The following DNAH5 variants were observed in gnomAD, a reference collection of about 807,000 sequenced individuals.
DNAH5 encodes axonemal beta dynein heavy chain 5.
Under a neutral mutation model 518.2 loss-of-function variants are expected in DNAH5, and 372 were observed. The ratio of observed to expected loss-of-function variants is 0.72; its 90% CI spans 0.66 to 0.78. The LOEUF is 0.78. Ranked by LOEUF, DNAH5 falls within the 30% of genes least tolerant of loss-of-function variation. The pLI, the probability that DNAH5 is intolerant of heterozygous loss-of-function variation, is 0.00. For missense variants in DNAH5, 5,523 were observed against 5,687.0 expected (o/e 0.97, Z 0.93); for synonymous variants, 2,039 against 2,025.9 (o/e 1.01, Z -0.17).
intron 1 of DNAH5, among the ~76,000 whole-genome samples, chr5:13,938,816 G>A (rs545199464): frequency 1.1e-4 from 16 of 152,264 alleles, no homozygotes; most frequent in African/African-American, 3.8e-4. Context: ...CAGTGCTAAC[G>A]AAACCAAGGA....
At chr5:13,853,496 G>A (rs534381943) in intron 30 of DNAH5, among the ~76,000 whole-genome samples, 3 of 152,102 alleles carry the variant, frequency 2.0e-5, no homozygotes, top group South Asian at 2.1e-4. Context: ...CGCCAGCAAG[G>A]GAACAAAACT....
At chr5:13,701,650 A>C (rs1456210596) in intron 76 of DNAH5, among the ~76,000 whole-genome samples, 8 of 152,240 alleles carry the variant, frequency 5.3e-5, no homozygotes, top group Admixed American at 5.2e-4. Flanking sequence ...ATATGATAGA[A>C]TATACTAGTC....
At chr5:13,978,010 G>T (rs187601763) in intron 1 of DNAH5, among the ~76,000 whole-genome samples, 1 of 152,148 alleles carries the variant, frequency 6.6e-6, no homozygotes, top group South Asian at 2.1e-4. Context: ...AAGCTCCATG[G>T]GGGACTCTGT....
At chr5:13,921,460 T>TCTCTCTCTC (rs1491249915) in intron 5 of DNAH5, among the ~76,000 whole-genome samples, 1 of 51,468 alleles carries the variant, frequency 1.9e-5, no homozygotes, top group African/African-American at 7.0e-5. Flanking sequence ...CTCTCTCTCT[T>TCTCTCTCTC]GCTCTATCTC....
At chr5:13,928,319 A>G in intron 2 of DNAH5, 141 bp from the exon 3 acceptor site, 1 of 638,608 alleles carries the variant, frequency 1.6e-6, no homozygotes, top group Non-Finnish European at 2.8e-6. Context: ...TATCCTATAA[A>G]AAAGGGAGCA....
chr5:13,787,847 G>A (rs1490941647), intron 51 of DNAH5, among the ~76,000 whole-genome samples: 1 of 152,078 alleles, frequency 6.6e-6, no homozygotes, highest in Non-Finnish European at 1.5e-5. Flanking sequence ...AGAAACTTTT[G>A]ATAGTTCACA....
At chr5:14,002,187 A>G (rs1202022395) in intron 1 of DNAH5, among the ~76,000 whole-genome samples, 4 of 152,104 alleles carry the variant, frequency 2.6e-5, no homozygotes, top group African/African-American at 4.8e-5. Flanking sequence ...TTGAGCCACC[A>G]TGCCAGGCCA....
rs549335108 is a variant in DNAH5, at chr5:13,765,225, C to G, written c.10101+751G>C. ...CTTTTTTTTTCTTTTTTTTGTTTTC[C>G]TTTCTCCCTTAAGAATCAGTTGTTA... On this transcript the variant is annotated intron_variant, in intron 59 of 78. Transcript: ENST00000265104. Among the ~76,000 whole-genome samples, 342 of 151,638 alleles carry G rather than the reference C, an allele frequency of 2.3e-3. 3 individuals carry two copies. The highest frequency in any genetic ancestry group is 8.0e-3 in the African/African-American group (330 of 41,408).
At chr5:13,890,901 A>G (rs1687577233) in intron 17 of DNAH5, 75 bp downstream of exon 17, 1 of 1,555,526 alleles carries the variant, frequency 6.4e-7, no homozygotes, top group African/African-American at 1.4e-5. Flanking sequence ...CTAACTTATA[A>G]CTTCAAAAAA....
chr5:13,785,781 C>T (rs1755890435), intron 52 of DNAH5, among the ~76,000 whole-genome samples: 1 of 152,182 alleles, frequency 6.6e-6, no homozygotes, highest in Non-Finnish European at 1.5e-5. Context: ...CCTTCTGAGT[C>T]TGGCTTACTC....
At chr5:13,811,150 C>G (rs1490406926) in intron 44 of DNAH5, among the ~76,000 whole-genome samples, 1 of 152,072 alleles carries the variant, frequency 6.6e-6, no homozygotes, top group Non-Finnish European at 1.5e-5. Flanking sequence ...TGATTGCAGT[C>G]AGCAATAATT....
At chr5:13,955,864 A>G (rs1378178241) in intron 1 of DNAH5, among the ~76,000 whole-genome samples, 1 of 152,332 alleles carries the variant, frequency 6.6e-6, no homozygotes, top group East Asian at 1.9e-4. Context: ...AAACCTTTTT[A>G]AAATCAGTTC....
rs538745986 is a variant in DNAH5 at position 13,707,378 on chromosome 5, G to A, written c.13338+745C>T. 1.1e-4 allele frequency among the ~76,000 whole-genome samples: 16 copies of A among 152,202 alleles called. No individual in the cohort carries two copies. The highest frequency in any genetic ancestry group is 2.2e-4 in the Non-Finnish European group (15 of 68,036). On this transcript the variant is annotated intron_variant, in intron 76 of 78. Coordinates refer to ENST00000265104, the MANE Select transcript of DNAH5 (RefSeq NM_001369.3). This position sits in a 1 kb window ranked among gnomAD's most constrained non-coding sequence, Gnocchi z 4.0. Reference sequence around the variant, plus strand: ...TCCAGTACACTAGAGCAAGAACCCAGGAAACAGAAAGCCCTCTGTCCTTGC... The same window carrying A: ...TCCAGTACACTAGAGCAAGAACCCAAGAAACAGAAAGCCCTCTGTCCTTGC...
At chr5:13,734,725 C>T (rs1747111084) in intron 68 of DNAH5, among the ~76,000 whole-genome samples, 2 of 152,156 alleles carry the variant, frequency 1.3e-5, no homozygotes, top group Non-Finnish European at 2.9e-5. Flanking sequence ...TTAAATATCC[C>T]ATTGAATACC....
intron 38 of DNAH5, among the ~76,000 whole-genome samples, chr5:13,827,140 G>C (rs1017434671): frequency 6.6e-6 from 1 of 152,118 alleles, no homozygotes; most frequent in African/African-American, 2.4e-5. Context: ...TAGGGTATCT[G>C]GTGGAAGAAA....
rs534935773 is a variant in DNAH5 at position 13,830,833 on chromosome 5, G to A, written c.5883-58C>T. 6.0e-5 allele frequency: 94 copies of A among 1,556,618 alleles called. 1 individual carries two copies. In the South Asian group the frequency reaches 1.0e-3, roughly 17 times the overall value. On this transcript the variant is annotated intron_variant, in intron 35 of 78. Coordinates refer to ENST00000265104, the MANE Select transcript of DNAH5 (RefSeq NM_001369.3). ...CTCAGTCACCTGGAAATACTTCTGA[G>A]ACATCACAGTGGCATGAAACGCACA...
chr5:13,835,113 C>T (rs1764193937), intron 35 of DNAH5, among the ~76,000 whole-genome samples: 1 of 151,876 alleles, frequency 6.6e-6, no homozygotes, highest in Non-Finnish European at 1.5e-5. Flanking sequence ...GGTGAAACCC[C>T]GCATCTACTA....
At chr5:13,773,644 G>T (rs1753662930) in intron 55 of DNAH5, among the ~76,000 whole-genome samples, 1 of 152,290 alleles carries the variant, frequency 6.6e-6, no homozygotes, top group Middle Eastern at 3.4e-3. Context: ...TTTTAGTCTA[G>T]TAAGACATTA....
At chr5:13,869,511 A>G (rs140225779) in intron 24 of DNAH5, among the ~76,000 whole-genome samples, 75 of 152,264 alleles carry the variant, frequency 4.9e-4, no homozygotes, top group African/African-American at 1.8e-3. Context: ...CAAGTGGCAA[A>G]TAAGATTTAA....
Sources: allele counts gnomAD v4.1 joint callset (sites outside exome capture counted in the v4.1 genomes callset), GRCh38; gene constraint gnomAD v4.1.1; non-coding constraint Gnocchi (gnomAD v3.1); transcripts MANE v1.5; gene names NCBI Gene and HGNC (gene_info 2026-07-23, HGNC 2026-07-21).